Variants in SENP5 observed in about 807,000 individuals in gnomAD.
The protein encoded by SENP5 is sentrin-specific protease 5.
Under a neutral mutation model 74.2 loss-of-function variants are expected in SENP5, and 21 were observed. The observed-to-expected ratio is 0.28, with a 90% CI of 0.20 to 0.41. The LOEUF (loss-of-function observed/expected upper bound fraction) is 0.41, where lower values mean the gene tolerates loss of function less well. Among genes scored for constraint, SENP5 ranks in the 10% least tolerant of loss-of-function variants. The probability of loss-of-function intolerance (pLI) is 1.00; values close to 1 mark genes in which losing one functional copy is unlikely to be tolerated. For missense variants in SENP5, 717 were observed against 889.1 expected, an observed-to-expected ratio of 0.81 and a Z score of 2.46; for synonymous variants, 311 against 312.7, an observed-to-expected ratio of 0.99 and a Z score of 0.06.
At chr3:196,907,908 C>A (rs1317218162) in intron 6 of SENP5, among the ~76,000 whole-genome samples, 3 of 146,434 alleles carry the variant, frequency 2.0e-5, no homozygotes, top group Admixed American at 6.8e-5. Flanking sequence ...AAAAAAAAAA[C>A]CCAGGTTTAT....
chr3:196,909,987 A>G (rs1715054775), intron 6 of SENP5, among the ~76,000 whole-genome samples: 1 of 152,186 alleles, frequency 6.6e-6, no homozygotes, highest in South Asian at 2.1e-4. Flanking sequence ...GCATGATTCT[A>G]TATTTAGAAA....
chr3:196,869,784 A>AG (rs1713129112), intron 1 of SENP5, among the ~76,000 whole-genome samples: 1 of 146,704 alleles, frequency 6.8e-6, no homozygotes, highest in Non-Finnish European at 1.5e-5. Context: ...AAAAAAAAAA[A>AG]GGTGCTGGGA....
intron 6 of SENP5, among the ~76,000 whole-genome samples, chr3:196,918,536 AAAGC>A (rs1186141517): frequency 2.0e-4 from 30 of 152,174 alleles, no homozygotes; most frequent in African/African-American, 7.0e-4. Context: ...CAAAAAATGA[AAAGC>A]AAGAAATAAA....
rs201482923 is a variant in SENP5, at chr3:196,885,790, G to A, written c.609G>A (p.Pro203=). 78 of 1,614,102 alleles carry A rather than the reference G, an allele frequency of 4.8e-5. 2 individuals carry two copies. In the East Asian group the frequency reaches 5.8e-4, roughly 12 times the overall value. The part of the protein sequence containing the change: ...KGFCYGCCQG[P]EHHRNGGPLI... ...TTTGTTACGGCTGCTGCCAAGGGCCGGAGCACCACAGGAATGGGGGACCCT... is the reference window on the plus strand; with the variant it reads ...TTTGTTACGGCTGCTGCCAAGGGCCAGAGCACCACAGGAATGGGGGACCCT... The change falls in exon 2 of 10, where the codon CCG becomes CCA. Residue 203 remains proline (P), a synonymous_variant. Transcript: ENST00000323460.
intron 1 of SENP5, among the ~76,000 whole-genome samples, chr3:196,878,948 A>G (rs914482237): frequency 7.2e-5 from 11 of 152,098 alleles, no homozygotes; most frequent in Non-Finnish European, 1.5e-4. Flanking sequence ...TTATCTGTTG[A>G]CTTGAAGATG....
At chr3:196,868,316 C>T (rs1713023107) in intron 1 of SENP5, among the ~76,000 whole-genome samples, 1 of 152,262 alleles carries the variant, frequency 6.6e-6, no homozygotes, top group South Asian at 2.1e-4. Context: ...CTGTGCGTCG[C>T]AGGCACCGGG....
Position 196,934,501 on chromosome 3 carries a change from C to A in SENP5, c.*3578C>A, listed in dbSNP as rs897506385. The stretch of plus-strand genomic sequence containing the variant: ...TTACGTGCTAGGCTTTGCCTCCTGG[C>A]CTCTAGATAATTAAGACGGCCCAGG... On this transcript the variant is annotated 3_prime_UTR_variant, in exon 10 of 10. Coordinates refer to ENST00000323460, the MANE Select transcript of SENP5 (RefSeq NM_152699.5). The A allele has an allele frequency of 2.6e-5, 4 of 152,138 alleles. No individual in the cohort carries two copies. The highest frequency in any genetic ancestry group is 9.7e-5 in the African/African-American group (4 of 41,422). 9.4% of individuals were successfully genotyped at this position (152,138 alleles called of 1,614,324 possible). A position where few individuals can be genotyped will look rare whatever the true frequency, so the allele number is the denominator to read the frequency against.
At chr3:196,887,949 G>A (rs1714045657) in intron 2 of SENP5, among the ~76,000 whole-genome samples, 1 of 151,930 alleles carries the variant, frequency 6.6e-6, no homozygotes, top group Admixed American at 6.6e-5. Context: ...TTGTATTTTA[G>A]TAGAGACAGT....
chr3:196,873,921 T>C (rs1008530681), intron 1 of SENP5, among the ~76,000 whole-genome samples: 2 of 152,098 alleles, frequency 1.3e-5, no homozygotes, highest in Non-Finnish European at 2.9e-5. Context: ...CAGGTTGGTC[T>C]CAAATTCTTG....
chr3:196,916,988 G>A (rs1028081635), intron 6 of SENP5, among the ~76,000 whole-genome samples: 13 of 151,890 alleles, frequency 8.6e-5, no homozygotes, highest in Admixed American at 8.5e-4. Context: ...ACAAAAATTA[G>A]CCGGGCGTGG....
At chr3:196,899,585 A>G (rs1714609967) in intron 2 of SENP5, 81 bp from the exon 3 acceptor site, 7 of 805,692 alleles carry the variant, frequency 8.7e-6, no homozygotes, top group Middle Eastern at 5.7e-4. Flanking sequence ...AGTGCTGTGT[A>G]TAGGTTAAGT....
At position 196,932,058 on chromosome 3, in the gene SENP5, T is replaced by G. The variant is rs1716056762; in HGVS notation, c.*1135T>G. ...GCTTCTGCATGGCCAGTGCTGACAC[T>G]AGCACAGCTGTTCTTCTCCTTCTGT... is the stretch of plus-strand genomic sequence containing the variant. On this transcript the variant is annotated 3_prime_UTR_variant, in exon 10 of 10. Transcript: ENST00000323460. 1 of 298,300 alleles carries G rather than the reference T, an allele frequency of 3.4e-6. No individual in the cohort carries two copies. The highest frequency in any genetic ancestry group is 6.6e-6 in the Non-Finnish European group (1 of 151,184). The allele number at this position is 298,300 out of a possible 1,614,324, so 18.5% of individuals were successfully genotyped here.
chr3:196,878,065 A>T (rs1013304819), intron 1 of SENP5, among the ~76,000 whole-genome samples: 2 of 152,208 alleles, frequency 1.3e-5, no homozygotes, highest in African/African-American at 4.8e-5. Flanking sequence ...AACAGGAACA[A>T]TGAGAATAAC....
chr3:196,897,748 T>C (rs745673388), intron 2 of SENP5, among the ~76,000 whole-genome samples: 10 of 152,252 alleles, frequency 6.6e-5, no homozygotes, highest in South Asian at 2.1e-4. Context: ...CTCAGCAGAC[T>C]TAACCGTCAG....
chr3:196,922,258 T>TG (rs1715647215), intron 6 of SENP5, among the ~76,000 whole-genome samples: 1 of 152,214 alleles, frequency 6.6e-6, no homozygotes, highest in Non-Finnish European at 1.5e-5. Flanking sequence ...TTTTATTAGT[T>TG]GCGGAAATCA....
intron 9 of SENP5, among the ~76,000 whole-genome samples, chr3:196,930,503 G>A (rs1715995851): frequency 6.6e-6 from 1 of 152,200 alleles, no homozygotes; most frequent in South Asian, 2.1e-4. Context: ...AAACCCCTGG[G>A]CCACGGACAG....
At chr3:196,893,116 T>C (rs1210590456) in intron 2 of SENP5, among the ~76,000 whole-genome samples, 1 of 152,228 alleles carries the variant, frequency 6.6e-6, no homozygotes, top group Non-Finnish European at 1.5e-5. Context: ...ACCTGTATAC[T>C]GTTTTCCTTC....
chr3:196,934,443 G>A lies in SENP5; in HGVS notation c.*3520G>A, dbSNP rs1217782083. ...ACCTGCTCTGCCTAGTTAAGAAACT[G>A]AATTAATCAGCAGTTACAAAGCACA... On this transcript the variant is annotated 3_prime_UTR_variant, in exon 10 of 10. Coordinates refer to ENST00000323460, the MANE Select transcript of SENP5 (RefSeq NM_152699.5). The A allele has an allele frequency of 6.6e-6, 1 of 152,194 alleles. No homozygotes were observed. Among genetic ancestry groups the A allele is most frequent in the African/African-American group, 2.4e-5 (1 of 41,438 alleles). The allele number at this position is 152,194 out of a possible 1,614,324, so 9.4% of individuals were successfully genotyped here. A position where few individuals can be genotyped will look rare whatever the true frequency, so the allele number is the denominator to read the frequency against.
At chr3:196,892,564 G>A (rs376741814) in intron 2 of SENP5, among the ~76,000 whole-genome samples, 2 of 152,092 alleles carry the variant, frequency 1.3e-5, no homozygotes, top group Admixed American at 6.6e-5. Flanking sequence ...CACTCACTTC[G>A]TCGTGAGAAC....
Sources: allele counts gnomAD v4.1 joint callset (sites outside exome capture counted in the v4.1 genomes callset), GRCh38; gene constraint gnomAD v4.1.1; transcripts MANE v1.5; gene names NCBI Gene and HGNC (gene_info 2026-07-23, HGNC 2026-07-21).